The following NEBL variants were observed in gnomAD, a reference collection of about 807,000 sequenced individuals.
The protein encoded by NEBL is nebulette.
A neutral mutation model predicts 140.2 loss-of-function variants in NEBL; 122 were observed. That is an observed-to-expected ratio of 0.87 (90% confidence interval 0.75 to 1.01). The LOEUF (loss-of-function observed/expected upper bound fraction) is 1.01, where lower values mean the gene tolerates loss of function less well. Ranked by LOEUF, NEBL falls within the 50% of genes least tolerant of loss-of-function variation. The pLI is 0.00. For missense variants in NEBL, 1,365 were observed against 1,231.3 expected (o/e 1.11, Z -1.62); for synonymous variants, 436 against 398.9 (o/e 1.09, Z -1.11).
At position 20,780,253 on chromosome 10, in the gene NEBL, T is replaced by C. The variant is rs1439580550; in HGVS notation, c.*5494A>G. 1 of 152,240 alleles carries C rather than the reference T, an allele frequency of 6.6e-6. No individual in the cohort carries two copies. Among genetic ancestry groups the C allele is most frequent in the East Asian group, 1.9e-4 (1 of 5,206 alleles). The allele number at this position is 152,240 out of a possible 1,614,324, so 9.4% of individuals were successfully genotyped here. A position where few individuals can be genotyped will look rare whatever the true frequency, so the allele number is the denominator to read the frequency against. On this transcript the variant is annotated 3_prime_UTR_variant, in exon 28 of 28. Coordinates refer to ENST00000377122, the MANE Select transcript of NEBL (RefSeq NM_006393.3). ...TTTTATGTACTCAATTTGTGCACTT[T>C]CTATTCTATGCTCCAAACCATTTCT...
chr10:20,801,541 C>T (rs1477300939), intron 26 of NEBL, among the ~76,000 whole-genome samples: 6 of 152,112 alleles, frequency 3.9e-5, no homozygotes, highest in Non-Finnish European at 7.3e-5. Context: ...CATCACAATG[C>T]TTTCCTGAGC....
chr10:21,034,454 T>A (rs958043603), intron 2 of NEBL, among the ~76,000 whole-genome samples: 29 of 152,118 alleles, frequency 1.9e-4, no homozygotes, highest in Admixed American at 1.8e-3. Context: ...CCAACATTCT[T>A]CTCAGCACAG....
intron 4 of NEBL, among the ~76,000 whole-genome samples, chr10:20,902,635 A>G (rs549238956): frequency 1.3e-5 from 2 of 152,316 alleles, no homozygotes; most frequent in East Asian, 3.9e-4. Context: ...AGTATTCTCA[A>G]TGTCTACATT....
intron 26 of NEBL, among the ~76,000 whole-genome samples, chr10:20,807,081 T>G (rs1307127034): frequency 6.6e-6 from 1 of 152,108 alleles, no homozygotes; most frequent in Non-Finnish European, 1.5e-5. Context: ...ATCCCCGCAC[T>G]TGGGAGGCTG....
intron 2 of NEBL, among the ~76,000 whole-genome samples, chr10:21,153,103 T>C (rs1840205355): frequency 6.6e-6 from 1 of 152,202 alleles, no homozygotes; most frequent in South Asian, 2.1e-4. Context: ...ATAGGTAATA[T>C]TTATGGGTCA....
intron 2 of NEBL, among the ~76,000 whole-genome samples, chr10:21,078,798 A>G (rs1836226627): frequency 6.6e-6 from 1 of 152,224 alleles, no homozygotes; most frequent in East Asian, 1.9e-4. Flanking sequence ...AGAGACAGAG[A>G]TATTTGGGCA....
intron 8 of NEBL, 131 bp from the exon 9 acceptor site, chr10:20,858,475 C>T (rs1564391828): frequency 3.9e-6 from 3 of 769,946 alleles, no homozygotes; most frequent in Non-Finnish European, 6.7e-6. Context: ...TACAAGGAGC[C>T]ACTAGATGGT....
intron 22 of NEBL, 80 bp from the exon 23 acceptor site, chr10:20,814,123 A>T (rs1359829934): frequency 1.2e-6 from 1 of 845,178 alleles, no homozygotes; most frequent in African/African-American, 1.7e-5. Context: ...AATGAGTGAA[A>T]CATATGCAAC....
chr10:20,934,722 G>A (rs1322241296), intron 4 of NEBL, among the ~76,000 whole-genome samples: 1 of 152,158 alleles, frequency 6.6e-6, no homozygotes, highest in Non-Finnish European at 1.5e-5. Context: ...AGCTGTGTTG[G>A]TTTGTAGTGT....
chr10:20,889,949 T>C lies in NEBL; in HGVS notation c.154A>G (p.Ile52Val), dbSNP rs762385273. The change falls in exon 3 of 28, where the codon ATC becomes GTC. Residue 52 changes from isoleucine (I) to valine (V), a missense_variant and splice_region_variant. Physicochemically the swap from Ile to Val is conservative, Grantham distance 29. Coordinates refer to ENST00000377122, the MANE Select transcript of NEBL (RefSeq NM_006393.3). Reference sequence around the variant, plus strand: ...TTTTTAAACTCTTCTTTATAACGGATCTAAAAAAGAGAATGATTTACATAA... The same window carrying C: ...TTTTTAAACTCTTCTTTATAACGGACCTAAAAAAGAGAATGATTTACATAA... ...ARKCTELISD[I>V]RYKEEFKKSK... 13 of 1,566,656 alleles carry C rather than the reference T, an allele frequency of 8.3e-6. No homozygotes were observed. The highest frequency in any genetic ancestry group is 1.1e-5 in the Non-Finnish European group (13 of 1,140,772).
chr10:21,097,200 C>A (rs1014756872), intron 2 of NEBL, among the ~76,000 whole-genome samples: 3 of 123,482 alleles, frequency 2.4e-5, no homozygotes, highest in African/African-American at 9.3e-5. Flanking sequence ...CGCCTGTAAT[C>A]CCAGCACTTT....
chr10:20,997,670 A>C (rs1316421386), intron 3 of NEBL, among the ~76,000 whole-genome samples: 1 of 152,040 alleles, frequency 6.6e-6, no homozygotes, highest in African/African-American at 2.4e-5. Context: ...CTACTTTTTA[A>C]AATGTTTTTG....
intron 2 of NEBL, among the ~76,000 whole-genome samples, chr10:21,144,938 T>C (rs1174069003): frequency 1.5e-5 from 2 of 131,382 alleles, no homozygotes; most frequent in African/African-American, 3.0e-5. Context: ...TTCAAGTATA[T>C]AAAAAGCCCC....
chr10:20,828,403 A>T, intron 17 of NEBL, 127 bp downstream of exon 17: 1 of 632,400 alleles, frequency 1.6e-6, no homozygotes, highest in Non-Finnish European at 2.9e-6. Context: ...TTAAAGAAAT[A>T]AAGATAATAC....
intron 3 of NEBL, among the ~76,000 whole-genome samples, chr10:21,010,923 C>A (rs1838314656): frequency 6.6e-6 from 1 of 152,182 alleles, no homozygotes; most frequent in Admixed American, 6.5e-5. Flanking sequence ...ATCTATGTGA[C>A]CTCCCAATTA....
At chr10:20,872,702 C>T (rs907944498) in intron 5 of NEBL, among the ~76,000 whole-genome samples, 1 of 152,118 alleles carries the variant, frequency 6.6e-6, no homozygotes, top group Non-Finnish European at 1.5e-5. Flanking sequence ...AAACAGCTTG[C>T]AGTAAAGAAG....
At position 20,880,891 on chromosome 10, in the gene NEBL, T is replaced by A. The variant is rs139809958; in HGVS notation, c.383A>T (p.Gln128Leu). The A allele has an allele frequency of 7.0e-5, 113 of 1,614,058 alleles. 1 individual carries two copies. In the African/African-American group the frequency reaches 1.3e-3, roughly 18 times the overall value. Reference protein sequence around the residue: ...TQLQSEVAYKQKHDAAKGFSD... With the variant: ...TQLQSEVAYKLKHDAAKGFSD... ...GAATCCTTTGGCAGCATCATGTTTC[T>A]GCTTGTAGGCCACCTGAAAAACACA... Residue 128 changes from glutamine to leucine, a missense_variant, in exon 5 of 28, where the codon CAG (glutamine) becomes CTG (leucine). Gln to Leu is a moderately radical substitution (Grantham distance 113). This residue lies in a region of NEBL where 1,323 missense variants were observed against 1,154.8 expected (regional missense o/e 1.15). Transcript: ENST00000377122.
intron 2 of NEBL, among the ~76,000 whole-genome samples, chr10:21,074,560 C>T (rs2131914505): frequency 6.7e-6 from 1 of 150,266 alleles, no homozygotes; most frequent in East Asian, 2.0e-4. Flanking sequence ...TCACTGCAAC[C>T]TCTTCCTCCT....
At chr10:21,210,411 AAAACATCCTAACTAAGAAAAC>A (rs1379815890) in intron 3 of NEBL, among the ~76,000 whole-genome samples, 6 of 152,152 alleles carry the variant, frequency 3.9e-5, no homozygotes, top group Non-Finnish European at 7.4e-5. Flanking sequence ...GAAAGAAAGA[AAAACATCCTAACTAAGAAAAC>A]CAAACTCTCC....
Sources: gnomAD v4.1 joint callset for allele counts (sites outside exome capture counted in the v4.1 genomes callset) on GRCh38, gnomAD v4.1.1 for gene constraint, gnomAD v4.1.1 regional missense constraint, MANE v1.5 for transcripts, NCBI Gene and HGNC (gene_info 2026-07-23, HGNC 2026-07-21) for gene names.